MSRA: variants seen among roughly 807,000 people sequenced by gnomAD.
The protein encoded by MSRA is methionine sulfoxide reductase A.
MSRA carries 54 observed loss-of-function variants against 31.3 expected under a neutral mutation model. The ratio of observed to expected loss-of-function variants is 1.73; its 90% CI spans 1.39 to 2.17. MSRA has a LOEUF of 2.17. Ranked by LOEUF, MSRA falls within the 30% of genes most tolerant of loss-of-function variation. MSRA has a pLI of 0.00. For synonymous variants in MSRA, 169 were observed against 116.5 expected (o/e 1.45, Z -2.90); for missense variants, 507 against 300.9 (o/e 1.69, Z -5.07).
chr8:10,058,001 A>G (rs188162231), intron 1 of MSRA, among the ~76,000 whole-genome samples: 2 of 152,338 alleles, frequency 1.3e-5, no homozygotes, highest in Admixed American at 6.5e-5. Context: ...ACCTTTTTAT[A>G]GAGTATCAGT....
intron 1 of MSRA, among the ~76,000 whole-genome samples, chr8:10,146,288 G>C (rs1803141734): frequency 6.6e-6 from 1 of 152,210 alleles, no homozygotes; most frequent in African/African-American, 2.4e-5. Flanking sequence ...TTTAATGGAG[G>C]AGGTTGTATT....
chr8:10,418,233 A>G (rs1330543282), intron 5 of MSRA, among the ~76,000 whole-genome samples: 3 of 152,142 alleles, frequency 2.0e-5, no homozygotes, highest in Non-Finnish European at 4.4e-5. Flanking sequence ...TTGCTTGGAG[A>G]AGACATAATG....
At chr8:10,161,972 G>A (rs913963371) in intron 1 of MSRA, among the ~76,000 whole-genome samples, 1 of 152,182 alleles carries the variant, frequency 6.6e-6, no homozygotes, top group Non-Finnish European at 1.5e-5. Context: ...CGCACTGCAT[G>A]GTCCTGTGCG....
intron 1 of MSRA, among the ~76,000 whole-genome samples, chr8:10,114,625 C>G (rs181409864): frequency 1.3e-5 from 2 of 152,042 alleles, no homozygotes; most frequent in Non-Finnish European, 2.9e-5. Context: ...CTAGAAGGCT[C>G]TATGGAAAAA....
rs546936009 is a variant in MSRA at position 10,064,241 on chromosome 8, C to G, written c.142+9583C>G. Among the ~76,000 whole-genome samples the G allele has an allele frequency of 1.6e-3, 243 of 152,332 alleles. 1 individual carries two copies. Among genetic ancestry groups the G allele is most frequent in the Non-Finnish European group, 2.7e-3 (186 of 68,040 alleles). On this transcript the variant is annotated intron_variant, in intron 1 of 5. Transcript: ENST00000317173. Reference sequence around the variant, plus strand: ...TCAGTGAGATACTCGATGACTTTGACTCATGATGCCAAATGATTGATTTTT... The same window carrying G: ...TCAGTGAGATACTCGATGACTTTGAGTCATGATGCCAAATGATTGATTTTT...
At chr8:10,286,088 G>T (rs1378918198) in intron 3 of MSRA, among the ~76,000 whole-genome samples, 2 of 152,062 alleles carry the variant, frequency 1.3e-5, no homozygotes, top group African/African-American at 4.8e-5. Flanking sequence ...TCTGCCAGCA[G>T]GAATGGTGTG....
intron 1 of MSRA, among the ~76,000 whole-genome samples, chr8:10,157,239 C>G (rs1039168487): frequency 6.6e-6 from 1 of 152,168 alleles, no homozygotes; most frequent in East Asian, 1.9e-4. Flanking sequence ...CGTTAACACT[C>G]CCTTGATGTA....
At chr8:10,146,389 G>A (rs890316843) in intron 1 of MSRA, among the ~76,000 whole-genome samples, 2 of 152,184 alleles carry the variant, frequency 1.3e-5, no homozygotes, top group African/African-American at 4.8e-5. Flanking sequence ...CAAAAGCAGG[G>A]TGAGGTCTCG....
intron 5 of MSRA, among the ~76,000 whole-genome samples, chr8:10,394,348 C>G (rs923947291): frequency 1.3e-5 from 2 of 152,172 alleles, no homozygotes; most frequent in Admixed American, 1.3e-4. Flanking sequence ...GGGTGTCAAG[C>G]CATAAACAGA....
intron 1 of MSRA, among the ~76,000 whole-genome samples, chr8:10,084,484 G>T (rs1486925148): frequency 6.6e-6 from 1 of 152,222 alleles, no homozygotes; most frequent in African/African-American, 2.4e-5. Context: ...ATTATTTCAT[G>T]TGGGGATTGG....
chr8:10,327,999 G>T (rs1406236729), intron 5 of MSRA, among the ~76,000 whole-genome samples: 1 of 139,674 alleles, frequency 7.2e-6, no homozygotes, highest in Admixed American at 7.1e-5. Flanking sequence ...CTTTTCTTTA[G>T]CATAGTTTGA....
At chr8:10,145,496 T>A (rs1803069780) in intron 1 of MSRA, among the ~76,000 whole-genome samples, 1 of 152,162 alleles carries the variant, frequency 6.6e-6, no homozygotes, top group African/African-American at 2.4e-5. Context: ...CCTGCATAAT[T>A]CATTTTCTAC....
chr8:10,197,932 C>G (rs1311855320), intron 1 of MSRA, among the ~76,000 whole-genome samples: 1 of 152,192 alleles, frequency 6.6e-6, no homozygotes, highest in East Asian at 1.9e-4. Flanking sequence ...GCTGCACCTT[C>G]CTGTGATGGA....
chr8:10,068,971 C>G (rs966496435), intron 1 of MSRA, among the ~76,000 whole-genome samples: 1 of 152,090 alleles, frequency 6.6e-6, no homozygotes, highest in Non-Finnish European at 1.5e-5. Context: ...GATTTTTAGT[C>G]TTGTTCTTAG....
intron 3 of MSRA, among the ~76,000 whole-genome samples, chr8:10,292,639 G>T (rs1175045840): frequency 6.6e-6 from 1 of 152,214 alleles, no homozygotes; most frequent in Non-Finnish European, 1.5e-5. Context: ...CAGTGGCCGG[G>T]CTCTCTCCCT....
At chr8:10,327,812 A>G (rs896329766) in intron 5 of MSRA, among the ~76,000 whole-genome samples, 1 of 152,106 alleles carries the variant, frequency 6.6e-6, no homozygotes, top group East Asian at 1.9e-4. Flanking sequence ...GGGCGCCTGT[A>G]GTCCCAGCTA....
At chr8:10,288,290 T>C (rs1268345983) in intron 3 of MSRA, among the ~76,000 whole-genome samples, 1 of 152,206 alleles carries the variant, frequency 6.6e-6, no homozygotes, top group Admixed American at 6.5e-5. Context: ...CACTAGTTAC[T>C]GTGGCCCTTT....
intron 1 of MSRA, among the ~76,000 whole-genome samples, chr8:10,111,637 A>T (rs1213506962): frequency 6.6e-6 from 1 of 152,206 alleles, no homozygotes; most frequent in Admixed American, 6.5e-5. Flanking sequence ...GTATTTTGAG[A>T]TCTTTCAGAA....
chr8:10,098,783 A>G (rs1939812329), intron 1 of MSRA, among the ~76,000 whole-genome samples: 1 of 152,238 alleles, frequency 6.6e-6, no homozygotes, highest in African/African-American at 2.4e-5. Context: ...TCTGACAGAC[A>G]TGTAAAATAA....
Sources: allele counts gnomAD v4.1 joint callset (sites outside exome capture counted in the v4.1 genomes callset), GRCh38; gene constraint gnomAD v4.1.1; transcripts MANE v1.5; gene names NCBI Gene and HGNC (gene_info 2026-07-23, HGNC 2026-07-21).